Variants in ADCY2 observed in about 807,000 individuals in gnomAD.
ADCY2 encodes adenylate cyclase type 2.
Under a neutral mutation model 125.2 loss-of-function variants are expected in ADCY2, and 31 were observed. That is an observed-to-expected ratio of 0.25 (90% CI 0.19 to 0.33). ADCY2 has a LOEUF of 0.33. ADCY2 is among the 10% of genes least tolerant of loss of function. ADCY2 has a pLI of 1.00. For missense variants in ADCY2, 904 were observed against 1,418.2 expected (o/e 0.64, Z 5.82); for synonymous variants, 512 against 548.4 (o/e 0.93, Z 0.93).
At chr5:7,784,339 CTGTT>C (rs761431602) in intron 18 of ADCY2, 22 bp from the exon 19 acceptor site, 22 of 1,555,380 alleles carry the variant, frequency 1.4e-5, no homozygotes, top group South Asian at 8.9e-5. Context: ...GCATTGTTGT[CTGTT>C]TGTCTGTCTG....
At chr5:7,507,213 G>A (rs1205801251) in intron 2 of ADCY2, among the ~76,000 whole-genome samples, 6 of 148,206 alleles carry the variant, frequency 4.0e-5, no homozygotes, top group Non-Finnish European at 9.0e-5. Context: ...AGGCCGAGGC[G>A]GGCGGATCAC....
intron 23 of ADCY2, among the ~76,000 whole-genome samples, chr5:7,818,667 A>C (rs999098634): frequency 6.6e-6 from 1 of 151,790 alleles, no homozygotes; most frequent in African/African-American, 2.4e-5. Context: ...AAAATGCCAT[A>C]TTTTTCTTTC....
At chr5:7,653,360 C>A (rs1739164510) in intron 4 of ADCY2, among the ~76,000 whole-genome samples, 1 of 152,116 alleles carries the variant, frequency 6.6e-6, no homozygotes, top group Admixed American at 6.6e-5. Flanking sequence ...GATAATCATC[C>A]CCATGCATGC....
intron 18 of ADCY2, among the ~76,000 whole-genome samples, chr5:7,777,443 G>A (rs764732344): frequency 3.9e-5 from 6 of 152,230 alleles, no homozygotes; most frequent in African/African-American, 1.2e-4. Flanking sequence ...AATGGGAAGA[G>A]CCTGACACCA....
intron 3 of ADCY2, among the ~76,000 whole-genome samples, chr5:7,535,509 C>T (rs1734785701): frequency 6.6e-6 from 1 of 152,220 alleles, no homozygotes; most frequent in African/African-American, 2.4e-5. Context: ...CATTCACCAT[C>T]TCCAAGCATG....
At chr5:7,582,029 C>T (rs1736453355) in intron 3 of ADCY2, among the ~76,000 whole-genome samples, 1 of 151,950 alleles carries the variant, frequency 6.6e-6, no homozygotes, top group African/African-American at 2.4e-5. Flanking sequence ...ATGTTGTTTG[C>T]ATGAGATGCA....
intron 23 of ADCY2, 30 bp downstream of exon 23, chr5:7,817,010 A>G (rs1413140888): frequency 6.4e-7 from 1 of 1,554,110 alleles, no homozygotes; most frequent in Non-Finnish European, 8.9e-7. Context: ...TCTCGGTTTC[A>G]GTTGTGGCAA....
chr5:7,513,078 GACACACACAC>G (rs142515106), intron 2 of ADCY2, among the ~76,000 whole-genome samples: 6 of 123,998 alleles, frequency 4.8e-5, no homozygotes, highest in Non-Finnish European at 8.6e-5. Flanking sequence ...GAAAATACAT[GACACACACAC>G]ACACACACAC....
At position 7,689,398 on chromosome 5, in the gene ADCY2, G is replaced by T. The variant is rs188041142; in HGVS notation, c.721-1293G>T. Among the ~76,000 whole-genome samples, 3 of 152,304 alleles carry T rather than the reference G, an allele frequency of 2.0e-5. No homozygotes were observed. The East Asian group carries it at 5.8e-4, about 29-fold the overall frequency. ...ATACTTTCTGAATAAATGAATAAGCGAATGAATGAATGAACAAATGATCAA... is the reference window on the plus strand; with the variant it reads ...ATACTTTCTGAATAAATGAATAAGCTAATGAATGAATGAACAAATGATCAA... On this transcript the variant is annotated intron_variant, in intron 4 of 24. Transcript: ENST00000338316.
chr5:7,488,058 T>C (rs1240848038), intron 2 of ADCY2, among the ~76,000 whole-genome samples: 1 of 152,186 alleles, frequency 6.6e-6, no homozygotes, highest in Non-Finnish European at 1.5e-5. Context: ...AGTGGTCTTG[T>C]GGTATGGTTT....
intron 22 of ADCY2, among the ~76,000 whole-genome samples, chr5:7,815,452 C>T (rs915461118): frequency 6.6e-6 from 1 of 152,190 alleles, no homozygotes; most frequent in South Asian, 2.1e-4. Context: ...GGAACAGAAA[C>T]CGTGCTCCAC....
rs748403048 is a variant in ADCY2, at chr5:7,820,703, T to G, written c.3123+14T>G. 1.2e-5 allele frequency: 20 copies of G among 1,611,234 alleles called. No individual in the cohort carries two copies. Among genetic ancestry groups the G allele is most frequent in the Non-Finnish European group, 1.7e-5 (20 of 1,178,304 alleles). The stretch of plus-strand genomic sequence containing the variant: ...GACAAAATACAGGTAATGCAGAGTG[T>G]GGTCTGCGCTGCCTGCATCAACCAT... On this transcript the variant is annotated intron_variant, in intron 24 of 24. Transcript: ENST00000338316.
intron 1 of ADCY2, among the ~76,000 whole-genome samples, chr5:7,413,286 G>A (rs1279596172): frequency 3.3e-5 from 5 of 151,838 alleles, no homozygotes; most frequent in South Asian, 2.1e-4. Flanking sequence ...CCCAGCCTTG[G>A]GGTTTTTTTT....
chr5:7,810,110 A>G (rs558822763), intron 22 of ADCY2, among the ~76,000 whole-genome samples: 48 of 152,298 alleles, frequency 3.2e-4, no homozygotes, highest in African/African-American at 1.1e-3. Context: ...TGGACTTTAG[A>G]GAAAACTGGT....
rs1253584996 is a variant in ADCY2, at chr5:7,709,520, A to G, written c.1578+133A>G. 2.7e-6 allele frequency: 3 copies of G among 1,104,326 alleles called. No homozygotes were observed. The East Asian group carries it at 7.9e-5, about 29-fold the overall frequency. The allele number at this position is 1,104,326 out of a possible 1,614,324, so 68.4% of individuals were successfully genotyped here. On this transcript the variant is annotated intron_variant, in intron 10 of 24. Transcript: ENST00000338316. This position sits in a 1 kb window ranked among gnomAD's most constrained non-coding sequence, Gnocchi z 4.4. ...ACTTATCACCTTCTTCTTCTCAGAGAGGCCCTTATGAACAACCATCAGGGT... is the reference window on the plus strand; with the variant it reads ...ACTTATCACCTTCTTCTTCTCAGAGGGGCCCTTATGAACAACCATCAGGGT...
chr5:7,658,036 G>C (rs1472427934), intron 4 of ADCY2: 2 of 152,220 alleles, frequency 1.3e-5, no homozygotes, highest in African/African-American at 2.4e-5. Flanking sequence ...GTCTCCAGTG[G>C]TGAATGCAGG....
chr5:7,459,699 C>T (rs1741837947), intron 2 of ADCY2, among the ~76,000 whole-genome samples: 1 of 146,346 alleles, frequency 6.8e-6, no homozygotes, highest in Non-Finnish European at 1.5e-5. Context: ...AACCTCTAGA[C>T]ATGACACATA....
At chr5:7,730,563 G>GTTACAA (rs1742070114) in intron 14 of ADCY2, among the ~76,000 whole-genome samples, 4 of 151,998 alleles carry the variant, frequency 2.6e-5, no homozygotes, top group Admixed American at 1.3e-4. Flanking sequence ...TTTTGGAGGG[G>GTTACAA]GAGTCTATGA....
chr5:7,629,420 TA>T (rs1366658704), intron 4 of ADCY2, among the ~76,000 whole-genome samples: 1 of 152,216 alleles, frequency 6.6e-6, no homozygotes, highest in Non-Finnish European at 1.5e-5. Flanking sequence ...GATTTTGTGA[TA>T]TTTTTCAGAT....
Sources: gnomAD v4.1 joint callset for allele counts (sites outside exome capture counted in the v4.1 genomes callset) on GRCh38, gnomAD v4.1.1 for gene constraint, Gnocchi (gnomAD v3.1) non-coding constraint, MANE v1.5 for transcripts, NCBI Gene and HGNC (gene_info 2026-07-23, HGNC 2026-07-21) for gene names.